The following BLK variants were observed in gnomAD, a reference collection of about 807,000 sequenced individuals.
BLK encodes the protein BLK proto-oncogene, Src family tyrosine kinase.
A neutral mutation model predicts 61.8 loss-of-function variants in BLK; 64 were observed. The ratio of observed to expected loss-of-function variants is 1.03; its 90% confidence interval spans 0.85 to 1.27. The LOEUF is 1.27. Ranked by LOEUF, BLK falls within the 50% of genes most tolerant of loss-of-function variation. BLK has a pLI of 0.00. For synonymous variants in BLK, 351 were observed against 272.0 expected, an observed-to-expected ratio of 1.29 and a Z score of -2.86; for missense variants, 853 against 660.5, an observed-to-expected ratio of 1.29 and a Z score of -3.19.
At chr8:11,519,744 G>A (rs1308443663) in intron 1 of BLK, among the ~76,000 whole-genome samples, 3 of 152,246 alleles carry the variant, frequency 2.0e-5, no homozygotes, top group African/African-American at 2.4e-5. Flanking sequence ...CAAATATGGC[G>A]TAGTTTGTAA....
chr8:11,557,441 G>C (rs1801288387), intron 9 of BLK, among the ~76,000 whole-genome samples: 1 of 152,174 alleles, frequency 6.6e-6, no homozygotes. Flanking sequence ...GGTGCCTCTA[G>C]CCTGCCCCTA....
chr8:11,546,476 G>T (rs569586345), intron 3 of BLK, among the ~76,000 whole-genome samples: 1 of 152,128 alleles, frequency 6.6e-6, no homozygotes, highest in Non-Finnish European at 1.5e-5. Flanking sequence ...GCCCCTGTCC[G>T]CTCTATGTGG....
chr8:11,534,396 G>C (rs141632296), intron 1 of BLK, among the ~76,000 whole-genome samples: 200 of 152,144 alleles, frequency 1.3e-3, no homozygotes, highest in African/African-American at 4.1e-3. Context: ...AATTTACATG[G>C]TGTTCCCCCC....
intron 1 of BLK, among the ~76,000 whole-genome samples, chr8:11,533,645 G>A (rs1307206375): frequency 6.7e-6 from 1 of 148,322 alleles, no homozygotes; most frequent in East Asian, 2.0e-4. Context: ...AAGGGGAGGT[G>A]GAGGAGACGG....
At chr8:11,558,755 A>C in intron 10 of BLK, 1 of 456,106 alleles carries the variant, frequency 2.2e-6, no homozygotes, top group South Asian at 1.5e-5. Flanking sequence ...GCCCTGTTAA[A>C]ACTGGAACTC....
At chr8:11,540,614 T>C (rs949640373) in intron 1 of BLK, among the ~76,000 whole-genome samples, 1 of 152,072 alleles carries the variant, frequency 6.6e-6, no homozygotes, top group Non-Finnish European at 1.5e-5. Context: ...CAATGCTACA[T>C]AAAACTATGG....
chr8:11,562,843 T>G (rs1585425484), intron 11 of BLK, 136 bp from the exon 12 acceptor site: 10 of 1,203,878 alleles, frequency 8.3e-6, no homozygotes, highest in Non-Finnish European at 1.2e-5. Context: ...TCCCCCGCCA[T>G]GCCTGGCCGC....
At position 11,547,907 on chromosome 8, in the gene BLK, G is replaced by C; in HGVS notation, c.176-125G>C. On this transcript the variant is annotated intron_variant, in intron 3 of 12. Transcript: ENST00000259089. ...GGGCTGGGGGTGGGGGCCTGTGCTG[G>C]GTGAGAACATCATTTCCATCGTGGG... The C allele has an allele frequency of 3.5e-6, 3 of 858,050 alleles. No homozygotes were observed. In the South Asian group the frequency reaches 4.1e-5, roughly 12 times the overall value. 53.2% of individuals were successfully genotyped at this position (858,050 alleles called of 1,614,324 possible).
At chr8:11,494,809 A>G (rs1314247777) in intron 1 of BLK, among the ~76,000 whole-genome samples, 1 of 152,234 alleles carries the variant, frequency 6.6e-6, no homozygotes, top group East Asian at 1.9e-4. Flanking sequence ...AAGGTCATCC[A>G]TCCAGGGTAG....
intron 8 of BLK, chr8:11,555,700 G>C: frequency 2.8e-6 from 2 of 727,014 alleles, no homozygotes; most frequent in South Asian, 3.4e-5. Flanking sequence ...GGCAGAGCAG[G>C]AACAGAATCC....
intron 1 of BLK, chr8:11,509,410 G>A (rs769890165): frequency 6.6e-6 from 1 of 152,144 alleles, no homozygotes; most frequent in Non-Finnish European, 1.5e-5. Context: ...AAAAATCAGA[G>A]GCCCACGTGG....
At chr8:11,498,919 G>A (rs1383240202) in intron 1 of BLK, among the ~76,000 whole-genome samples, 1 of 152,164 alleles carries the variant, frequency 6.6e-6, no homozygotes, top group African/African-American at 2.4e-5. Context: ...GGGGGTCCTT[G>A]TACTTCAAAA....
intron 1 of BLK, among the ~76,000 whole-genome samples, chr8:11,532,185 AT>A (rs1172329885): frequency 2.4e-5 from 3 of 123,636 alleles, no homozygotes; most frequent in Non-Finnish European, 5.2e-5. Flanking sequence ...TTATAAAAAA[AT>A]TTTAATATTT....
intron 1 of BLK, among the ~76,000 whole-genome samples, chr8:11,540,882 C>T (rs1800345321): frequency 6.7e-6 from 1 of 150,026 alleles, no homozygotes; most frequent in African/African-American, 2.5e-5. Context: ...GAGAGCTCCT[C>T]AATATCTGTT....
At chr8:11,536,432 C>G (rs1318154536) in intron 1 of BLK, among the ~76,000 whole-genome samples, 3 of 152,186 alleles carry the variant, frequency 2.0e-5, no homozygotes, top group Non-Finnish European at 4.4e-5. Flanking sequence ...ACTCTGTCAA[C>G]TAGGCTGGAG....
At chr8:11,512,513 T>G (rs1799055512) in intron 1 of BLK, among the ~76,000 whole-genome samples, 1 of 152,234 alleles carries the variant, frequency 6.6e-6, no homozygotes, top group Non-Finnish European at 1.5e-5. Flanking sequence ...TGGGACTTCA[T>G]GTTTTACAAA....
At chr8:11,548,858 T>A (rs1488122557) in intron 4 of BLK, among the ~76,000 whole-genome samples, 166 bp from the exon 5 acceptor site, 1 of 152,226 alleles carries the variant, frequency 6.6e-6, no homozygotes, top group Non-Finnish European at 1.5e-5. Context: ...GGATAGCCAC[T>A]GTACCACTGA....
intron 1 of BLK, among the ~76,000 whole-genome samples, chr8:11,531,925 C>G (rs1207320934): frequency 6.6e-6 from 1 of 152,170 alleles, no homozygotes; most frequent in Non-Finnish European, 1.5e-5. Flanking sequence ...GTGGCACCAT[C>G]TCGGCTCACT....
At chr8:11,545,234 G>C (rs1800575639) in intron 2 of BLK, among the ~76,000 whole-genome samples, 1 of 152,268 alleles carries the variant, frequency 6.6e-6, no homozygotes, top group East Asian at 1.9e-4. Flanking sequence ...TGTCATGAGG[G>C]TTAGTTCCAC....
Sources: gnomAD v4.1 joint callset for allele counts (sites outside exome capture counted in the v4.1 genomes callset) on GRCh38, gnomAD v4.1.1 for gene constraint, MANE v1.5 for transcripts, NCBI Gene and HGNC (gene_info 2026-07-23, HGNC 2026-07-21) for gene names.